The following RAPGEF1 variants were observed in gnomAD, a reference collection of about 807,000 sequenced individuals.
RAPGEF1 encodes the protein Rap guanine nucleotide exchange factor 1.
In RAPGEF1, 33 loss-of-function variants were observed where a neutral mutation model predicts 143.3. The observed-to-expected ratio is 0.23, with a 90% CI of 0.17 to 0.31. The LOEUF (loss-of-function observed/expected upper bound fraction) is 0.31, where lower values mean the gene tolerates loss of function less well. RAPGEF1 is among the 10% of genes least tolerant of loss of function. The pLI, the probability that RAPGEF1 is intolerant of heterozygous loss-of-function variation, is 1.00. For missense variants in RAPGEF1, 1,199 were observed against 1,645.4 expected, an observed-to-expected ratio of 0.73 and a Z score of 4.69; for synonymous variants, 629 against 676.5, an observed-to-expected ratio of 0.93 and a Z score of 1.09.
At chr9:131,714,053 AT>A (rs901829915) in intron 1 of RAPGEF1, among the ~76,000 whole-genome samples, 118 of 148,202 alleles carry the variant, frequency 8.0e-4, no homozygotes, top group East Asian at 4.7e-3. Flanking sequence ...CTCAGGAATA[AT>A]TTTTTTTTTT....
chr9:131,608,418 A>C (rs1410562), intron 12 of RAPGEF1, among the ~76,000 whole-genome samples: 131,433 of 152,226 alleles, frequency 0.86, 56,948 homozygotes, highest in African/African-American at 0.93. Flanking sequence ...TGACTCACAG[A>C]AGCGTCTCAG....
At chr9:131,709,705 G>A (rs200846872) in intron 1 of RAPGEF1, 7 of 1,613,642 alleles carry the variant, frequency 4.3e-6, no homozygotes, top group African/African-American at 4.0e-5. Flanking sequence ...AGGACACAGG[G>A]CCCTTCCCAG....
chr9:131,674,697 T>A (rs893768488), intron 1 of RAPGEF1, among the ~76,000 whole-genome samples: 12 of 152,182 alleles, frequency 7.9e-5, no homozygotes, highest in African/African-American at 2.9e-4. Context: ...CCTGCTCCAG[T>A]TCAGACGGCC....
chr9:131,594,520 G>A (rs543967723), intron 17 of RAPGEF1, among the ~76,000 whole-genome samples: 8 of 152,308 alleles, frequency 5.3e-5, no homozygotes, highest in East Asian at 1.9e-4. Context: ...TGGGCTCCAC[G>A]GGCCTGAGCC....
At chr9:131,683,740 A>T (rs1234546814) in intron 1 of RAPGEF1, among the ~76,000 whole-genome samples, 1 of 152,230 alleles carries the variant, frequency 6.6e-6, no homozygotes, top group Admixed American at 6.5e-5. Flanking sequence ...CAAAAAGCGG[A>T]GCTTGTAGCT....
intron 1 of RAPGEF1, among the ~76,000 whole-genome samples, chr9:131,736,543 T>C (rs1436107528): frequency 1.3e-5 from 2 of 152,272 alleles, no homozygotes; most frequent in East Asian, 3.9e-4. Context: ...CACTGCTGCA[T>C]GAGAAAGAAA....
intron 25 of RAPGEF1, among the ~76,000 whole-genome samples, chr9:131,581,628 G>A (rs1951881772): frequency 6.6e-6 from 1 of 152,122 alleles, no homozygotes; most frequent in African/African-American, 2.4e-5. Flanking sequence ...CTTGAACTCA[G>A]GAGGCAGAGA....
chr9:131,704,377 G>T (rs1029560163), intron 1 of RAPGEF1, among the ~76,000 whole-genome samples: 1 of 151,404 alleles, frequency 6.6e-6, no homozygotes, highest in African/African-American at 2.4e-5. Flanking sequence ...CAAAACTGAG[G>T]CAAATCCTTA....
intron 15 of RAPGEF1, among the ~76,000 whole-genome samples, chr9:131,601,498 T>A (rs1027129525): frequency 6.6e-6 from 1 of 152,226 alleles, no homozygotes; most frequent in Admixed American, 6.5e-5. Context: ...AATGGCAAAC[T>A]ACATGTGAAG....
intron 1 of RAPGEF1, among the ~76,000 whole-genome samples, chr9:131,686,913 T>C (rs1214977658): frequency 1.3e-5 from 2 of 152,256 alleles, no homozygotes; most frequent in Admixed American, 6.5e-5. Context: ...AATTATTTAG[T>C]TGAACTATGA....
intron 1 of RAPGEF1, among the ~76,000 whole-genome samples, chr9:131,689,679 C>T (rs1367371693): frequency 1.3e-5 from 2 of 152,100 alleles, no homozygotes; most frequent in Admixed American, 6.5e-5. Context: ...GCTGGGACTA[C>T]AGGTGCCCAC....
chr9:131,698,014 C>T (rs1834323263), intron 1 of RAPGEF1, among the ~76,000 whole-genome samples: 1 of 152,048 alleles, frequency 6.6e-6, no homozygotes, highest in Non-Finnish European at 1.5e-5. Flanking sequence ...AGTCAGCTGA[C>T]CAAGGACAAG....
At chr9:131,661,169 G>A (rs1973972436) in intron 1 of RAPGEF1, among the ~76,000 whole-genome samples, 2 of 152,192 alleles carry the variant, frequency 1.3e-5, no homozygotes, top group Non-Finnish European at 1.5e-5. Context: ...GCCTGTGTGA[G>A]GTCACCATCA....
intron 18 of RAPGEF1, 28 bp from the exon 19 acceptor site, chr9:131,590,006 T>G: frequency 6.3e-7 from 1 of 1,597,166 alleles, no homozygotes; most frequent in Non-Finnish European, 8.6e-7. Context: ...GAAATAGCCA[T>G]GTGGTCGGCT....
chr9:131,723,424 T>TCC, intron 1 of RAPGEF1, among the ~76,000 whole-genome samples: 1 of 152,216 alleles, frequency 6.6e-6, no homozygotes, highest in African/African-American at 2.4e-5. Flanking sequence ...ACTGAAATAG[T>TCC]CCCCATTCCT....
rs754148058 is a variant in RAPGEF1 at position 131,629,142 on chromosome 9, G to T, written c.853C>A (p.Pro285Thr). Residue 285 changes from proline to threonine, a missense_variant, in exon 7 of 27, where the codon CCC becomes ACC. Transcript: ENST00000683357. ...PDATDEEVAPPKPPLPGIRVV... is the reference protein window; with the variant it reads ...PDATDEEVAPTKPPLPGIRVV... ...CGAATGCCAGGCAGAGGAGGCTTGG[G>T]GGGCGCGACCTCTTCATCCGTGGCA... 1 of 1,614,006 alleles carries T rather than the reference G, an allele frequency of 6.2e-7. No individual in the cohort carries two copies. The highest frequency in any genetic ancestry group is 1.1e-5 in the South Asian group (1 of 91,086).
At position 131,641,211 on chromosome 9, in the gene RAPGEF1, C is replaced by G. The variant is rs1316718051; in HGVS notation, c.494+2028G>C. Among the ~76,000 whole-genome samples the G allele has an allele frequency of 6.6e-6, 1 of 152,136 alleles. No individual in the cohort carries two copies. The highest frequency in any genetic ancestry group is 1.5e-5 in the Non-Finnish European group (1 of 68,008). ...TCTGGGTGTGAGGGTCCAGGGGACG[C>G]TATCCTGGACTCTCCCAAAGAGGCT... is the stretch of plus-strand genomic sequence containing the variant. On this transcript the variant is annotated intron_variant, in intron 4 of 26. Transcript: ENST00000683357. This position sits in a 1 kb window ranked among gnomAD's most constrained non-coding sequence, Gnocchi z 4.6.
At chr9:131,586,461 CA>C (rs1952864938) in intron 22 of RAPGEF1, among the ~76,000 whole-genome samples, 1 of 97,962 alleles carries the variant, frequency 1.0e-5, no homozygotes, top group Non-Finnish European at 2.1e-5. Context: ...CACACACACA[CA>C]CCTGCAGAGC....
rs574261976 is a variant in RAPGEF1 at position 131,679,583 on chromosome 9, T to G, written c.62-28634A>C. Among the ~76,000 whole-genome samples the G allele has an allele frequency of 2.0e-5, 3 of 152,316 alleles. No homozygotes were observed. The East Asian group carries it at 5.8e-4, about 29-fold the overall frequency. On this transcript the variant is annotated intron_variant, in intron 1 of 26. Transcript: ENST00000683357. The stretch of plus-strand genomic sequence containing the variant: ...TGCCGCATAATGAAGTACACAAACT[T>G]AGTGGCTTCCAACACACATTTATCC...
Sources: gnomAD v4.1 joint callset for allele counts (sites outside exome capture counted in the v4.1 genomes callset) on GRCh38, gnomAD v4.1.1 for gene constraint, Gnocchi (gnomAD v3.1) non-coding constraint, MANE v1.5 for transcripts, NCBI Gene and HGNC (gene_info 2026-07-23, HGNC 2026-07-21) for gene names.